Variants in TRIM37 observed in about 807,000 individuals in gnomAD.
TRIM37 encodes E3 ubiquitin-protein ligase TRIM37.
TRIM37 carries 80 observed loss-of-function variants against 129.8 expected under a neutral mutation model. That is an observed-to-expected ratio of 0.62 (90% CI 0.51 to 0.74). The LOEUF (loss-of-function observed/expected upper bound fraction) is 0.74. Among genes scored for constraint, TRIM37 ranks in the 30% least tolerant of loss-of-function variants. The pLI is 0.00. For synonymous variants in TRIM37, 389 were observed against 387.1 expected (o/e 1.00, Z -0.06); for missense variants, 1,054 against 1,176.5 (o/e 0.90, Z 1.52).
chr17:59,014,791 C>T (rs563996603), intron 21 of TRIM37, among the ~76,000 whole-genome samples: 4 of 151,090 alleles, frequency 2.6e-5, no homozygotes, highest in South Asian at 4.2e-4. Context: ...GATAAGGTTA[C>T]GTATCATTGT....
chr17:59,004,217 T>C (rs1598827842), intron 22 of TRIM37, among the ~76,000 whole-genome samples: 1 of 151,922 alleles, frequency 6.6e-6, no homozygotes, highest in South Asian at 2.1e-4. Flanking sequence ...GGAGAGACAA[T>C]AGATAAAAGG....
At chr17:59,037,915 G>A (rs1034435653) in intron 17 of TRIM37, among the ~76,000 whole-genome samples, 7 of 152,064 alleles carry the variant, frequency 4.6e-5, no homozygotes, top group Non-Finnish European at 1.0e-4. Flanking sequence ...CTGAAAGTAT[G>A]TCAAATATTT....
intron 3 of TRIM37, among the ~76,000 whole-genome samples, chr17:59,089,018 T>C (rs866595322): frequency 2.0e-5 from 3 of 152,086 alleles, no homozygotes; most frequent in Non-Finnish European, 2.9e-5. Flanking sequence ...TCCCAGCACT[T>C]TGGGAGGCTG....
chr17:59,091,572 TATATAATGTATAATATATTATA>T (rs2044360816), intron 2 of TRIM37, among the ~76,000 whole-genome samples: 2 of 21,848 alleles, frequency 9.2e-5, no homozygotes, highest in Non-Finnish European at 1.8e-4. Flanking sequence ...ATATATAATA[TATATAATGTATAATATATTATA>T]CATTATATAT....
chr17:59,106,481 G>T lies in TRIM37; in HGVS notation c.-20C>A. The T allele has an allele frequency of 1.2e-6, 2 of 1,613,510 alleles. No individual in the cohort carries two copies. The highest frequency in any genetic ancestry group is 2.2e-5 in the East Asian group (1 of 44,850). On this transcript the variant is annotated 5_prime_UTR_variant, in exon 1 of 24. Transcript: ENST00000262294. ...ATCCATTGCCTCCGGCTCTCGGCGG[G>T]GCCGCTGGCGACCCGCAGGCTCCGC...
At chr17:59,032,319 A>G (rs1053681893) in intron 17 of TRIM37, among the ~76,000 whole-genome samples, 18 of 151,350 alleles carry the variant, frequency 1.2e-4, no homozygotes, top group Non-Finnish European at 4.4e-5. Context: ...AGGTCAGGAG[A>G]TCGAGACCAT....
intron 16 of TRIM37, among the ~76,000 whole-genome samples, chr17:59,044,307 C>T (rs1316255426): frequency 6.6e-6 from 1 of 152,004 alleles, no homozygotes; most frequent in Admixed American, 6.6e-5. Context: ...AAGACCCCGT[C>T]TCAAAAAATA....
intron 24 of TRIM37, chr17:58,984,975 G>T (rs536890074): frequency 6.5e-5 from 10 of 152,732 alleles, no homozygotes; most frequent in African/African-American, 2.2e-4. Flanking sequence ...TCTCTGCAAA[G>T]AATTCTCTAT....
chr17:59,096,801 T>C (rs2044930249), intron 2 of TRIM37, among the ~76,000 whole-genome samples: 1 of 152,154 alleles, frequency 6.6e-6, no homozygotes, highest in Non-Finnish European at 1.5e-5. Context: ...TTCATAATGC[T>C]ATATGAAAAA....
At chr17:59,004,936 A>C (rs73993836) in intron 22 of TRIM37, among the ~76,000 whole-genome samples, 17 of 152,290 alleles carry the variant, frequency 1.1e-4, no homozygotes, top group African/African-American at 4.1e-4. Context: ...AAAAACAAAA[A>C]AACAAACTTT....
At chr17:59,028,965 A>G (rs1399568806) in intron 18 of TRIM37, among the ~76,000 whole-genome samples, 1 of 152,230 alleles carries the variant, frequency 6.6e-6, no homozygotes, top group Non-Finnish European at 1.5e-5. Flanking sequence ...ATTTAATTCT[A>G]AAAGTTTAAA....
chr17:59,042,439 AAAAAAAAAAAATATAT>A (rs1226027433), intron 16 of TRIM37, among the ~76,000 whole-genome samples: 4 of 82,090 alleles, frequency 4.9e-5, no homozygotes, highest in African/African-American at 1.2e-4. Context: ...TTTAAAAAAA[AAAAAAAAAAAATATAT>A]ATATATATAT....
At chr17:59,055,011 T>C (rs1451283897) in intron 13 of TRIM37, among the ~76,000 whole-genome samples, 2 of 152,040 alleles carry the variant, frequency 1.3e-5, no homozygotes, top group African/African-American at 2.4e-5. Flanking sequence ...TATCCTTTCT[T>C]GTAAATACTA....
At chr17:58,980,655 A>C, downstream of TRIM37, 1 of 1,614,172 alleles carries the variant, frequency 6.2e-7, no homozygotes, top group Non-Finnish European at 8.5e-7. The surrounding 1 kb of genome is among the most constrained non-coding windows in gnomAD (Gnocchi z 4.7). Flanking sequence ...ACTGCTTTCA[A>C]TTTGGGTTCA....
downstream of TRIM37, among the ~76,000 whole-genome samples, chr17:58,996,792 ATGTGTGTG>A (rs111408971): frequency 7.6e-5 from 6 of 79,410 alleles, no homozygotes; most frequent in African/African-American, 1.7e-4. Flanking sequence ...GTATATATAT[ATGTGTGTG>A]TGTGTGTGTG....
At chr17:59,001,778 A>C in intron 22 of TRIM37, 64 bp from the exon 23 acceptor site, 1 of 1,591,006 alleles carries the variant, frequency 6.3e-7, no homozygotes, top group Non-Finnish European at 8.6e-7. Context: ...GGAAACAGAA[A>C]TCTCCGTATC....
At chr17:58,969,784 T>G in the TRIM37 span, 3 of 1,540,140 alleles carry the variant, frequency 1.9e-6, no homozygotes, top group Non-Finnish European at 2.7e-6. Context: ...CTCAATTTGG[T>G]CTGTGTGGTT....
chr17:59,065,091 T>C (rs981113939), intron 9 of TRIM37, among the ~76,000 whole-genome samples: 1 of 151,948 alleles, frequency 6.6e-6, no homozygotes, highest in Non-Finnish European at 1.5e-5. Context: ...TTATAAAAGC[T>C]TTTTTTCCTA....
At chr17:59,034,106 C>CAAA (rs764498365) in intron 17 of TRIM37, among the ~76,000 whole-genome samples, 1 of 127,456 alleles carries the variant, frequency 7.8e-6, no homozygotes, top group African/African-American at 2.9e-5. Context: ...GACTCCATCT[C>CAAA]AAAAAAAAAA....
Sources: gnomAD v4.1 joint callset for allele counts (sites outside exome capture counted in the v4.1 genomes callset) on GRCh38, gnomAD v4.1.1 for gene constraint, Gnocchi (gnomAD v3.1) non-coding constraint, MANE v1.5 for transcripts, NCBI Gene and HGNC (gene_info 2026-07-23, HGNC 2026-07-21) for gene names.